The following RALYL variants were observed in gnomAD, a reference collection of about 807,000 sequenced individuals.
RALYL encodes RALY RNA binding protein like.
In RALYL, 29 loss-of-function variants were observed where a neutral mutation model predicts 35.1. The ratio of observed to expected loss-of-function variants is 0.83; its 90% CI spans 0.61 to 1.13. The LOEUF (loss-of-function observed/expected upper bound fraction) is 1.13. Ranked by LOEUF, RALYL falls within the 50% of genes most tolerant of loss-of-function variation. The pLI is 0.00. For missense variants in RALYL, 359 were observed against 360.4 expected (o/e 1.00, Z 0.03); for synonymous variants, 120 against 127.6 (o/e 0.94, Z 0.40).
intron 1 of RALYL, among the ~76,000 whole-genome samples, chr8:84,407,294 T>G (rs2043638113): frequency 6.6e-6 from 1 of 152,122 alleles, no homozygotes; most frequent in Non-Finnish European, 1.5e-5. Flanking sequence ...CTACATAGCT[T>G]CCTGCCTTTC....
intron 4 of RALYL, among the ~76,000 whole-genome samples, chr8:84,807,337 C>A (rs764595826): frequency 6.6e-6 from 1 of 152,232 alleles, no homozygotes; most frequent in African/African-American, 2.4e-5. Flanking sequence ...CTGCAAACGC[C>A]GTTAATTTGT....
intron 4 of RALYL, among the ~76,000 whole-genome samples, chr8:84,825,154 A>G (rs1829399370): frequency 6.6e-6 from 1 of 152,168 alleles, no homozygotes; most frequent in Admixed American, 6.5e-5. Flanking sequence ...TCATCAAGCA[A>G]AAAAACAACC....
At chr8:84,893,288 A>T (rs537056681) in intron 8 of RALYL, among the ~76,000 whole-genome samples, 2 of 152,242 alleles carry the variant, frequency 1.3e-5, no homozygotes, top group Non-Finnish European at 2.9e-5. Flanking sequence ...AAAGCATTAG[A>T]TAATTCACAT....
chr8:84,777,843 G>A lies in RALYL; in HGVS notation c.332+3189G>A, dbSNP rs1467891698. On this transcript the variant is annotated intron_variant, in intron 3 of 8. Transcript: ENST00000521268. ...TTTTTAGTAGAGGCAGCATTTCACC[G>A]TGTTAGCCAGGATAGTCTCGATCTC... Among the ~76,000 whole-genome samples, 4 of 142,560 alleles carry A rather than the reference G, an allele frequency of 2.8e-5. No homozygotes were observed. The South Asian group carries it at 6.2e-4, about 22-fold the overall frequency. 93.5% of individuals were successfully genotyped at this position (142,560 alleles called of 152,430 possible). A position where few individuals can be genotyped will look rare whatever the true frequency, so the allele number is the denominator to read the frequency against.
intron 1 of RALYL, among the ~76,000 whole-genome samples, chr8:84,524,930 A>T (rs1008602656): frequency 2.0e-5 from 3 of 151,864 alleles, no homozygotes; most frequent in Non-Finnish European, 4.4e-5. Context: ...TGAATGAAAC[A>T]TAAATAGCTA....
At chr8:84,553,336 A>G (rs745426953) in intron 2 of RALYL, among the ~76,000 whole-genome samples, 47 of 152,230 alleles carry the variant, frequency 3.1e-4, no homozygotes, top group Middle Eastern at 3.4e-3. Flanking sequence ...TAATTTTTAA[A>G]TTCTTGGTAG....
intron 2 of RALYL, among the ~76,000 whole-genome samples, chr8:84,564,292 A>G (rs1285425514): frequency 6.6e-6 from 1 of 151,664 alleles, no homozygotes; most frequent in Non-Finnish European, 1.5e-5. Flanking sequence ...CCTTAGCCCA[A>G]TCTCATACTC....
intron 1 of RALYL, among the ~76,000 whole-genome samples, chr8:84,371,572 C>CAG (rs1554638186): frequency 2.7e-5 from 4 of 147,366 alleles, no homozygotes; most frequent in African/African-American, 1.0e-4. Flanking sequence ...CACACACACA[C>CAG]AGAAAGAGAG....
chr8:84,701,206 C>T (rs1052031977), intron 2 of RALYL, among the ~76,000 whole-genome samples: 1 of 152,148 alleles, frequency 6.6e-6, no homozygotes, highest in Non-Finnish European at 1.5e-5. Context: ...GTTGAGATAT[C>T]ACTTCCTATC....
At chr8:84,908,001 A>G (rs1219261129) in intron 8 of RALYL, among the ~76,000 whole-genome samples, 3 of 152,158 alleles carry the variant, frequency 2.0e-5, no homozygotes, top group Admixed American at 1.3e-4. Flanking sequence ...ACAAACATAA[A>G]CTTTCTCATT....
intron 1 of RALYL, among the ~76,000 whole-genome samples, chr8:84,311,672 G>T (rs548090594): frequency 6.6e-6 from 1 of 152,086 alleles, no homozygotes; most frequent in Non-Finnish European, 1.5e-5. Flanking sequence ...AGTACCTTAT[G>T]TCATGATTTC....
At chr8:84,715,875 G>A (rs1306292912) in intron 2 of RALYL, among the ~76,000 whole-genome samples, 1 of 151,944 alleles carries the variant, frequency 6.6e-6, no homozygotes, top group Admixed American at 6.6e-5. Flanking sequence ...TGTAAATATT[G>A]ACTCAAAGTA....
chr8:84,256,868 C>G (rs141780657), intron 1 of RALYL, among the ~76,000 whole-genome samples: 2,885 of 152,158 alleles, frequency 0.019, 42 homozygotes, highest in South Asian at 0.031. Flanking sequence ...AATCGGGCTT[C>G]TGTCCCCTGA....
chr8:84,570,137 T>C (rs1267560230), intron 2 of RALYL, among the ~76,000 whole-genome samples: 1 of 151,904 alleles, frequency 6.6e-6, no homozygotes, highest in Non-Finnish European at 1.5e-5. Context: ...ACATTAGTAA[T>C]TGGATAGGAA....
intron 1 of RALYL, among the ~76,000 whole-genome samples, chr8:84,419,929 T>C (rs2132355022): frequency 6.6e-6 from 1 of 151,850 alleles, no homozygotes; most frequent in South Asian, 2.1e-4. Context: ...CCACATTTTC[T>C]TAATCCAGTC....
chr8:84,334,837 C>G (rs1847470455), intron 1 of RALYL, among the ~76,000 whole-genome samples: 1 of 152,100 alleles, frequency 6.6e-6, no homozygotes, highest in Non-Finnish European at 1.5e-5. Context: ...TCCATTAGCA[C>G]AATCTCTAGT....
At chr8:84,245,733 A>C (rs1244418131) in intron 1 of RALYL, among the ~76,000 whole-genome samples, 1 of 152,140 alleles carries the variant, frequency 6.6e-6, no homozygotes. Flanking sequence ...AGGGGTATGC[A>C]TGATAGCATG....
intron 1 of RALYL, among the ~76,000 whole-genome samples, chr8:84,436,506 G>T (rs1459323338): frequency 6.8e-6 from 1 of 146,158 alleles, no homozygotes; most frequent in African/African-American, 2.5e-5. Context: ...CTTCGCAGAG[G>T]CACTAAAAAG....
intron 2 of RALYL, among the ~76,000 whole-genome samples, chr8:84,574,183 G>T (rs1052842516): frequency 1.3e-5 from 2 of 151,832 alleles, no homozygotes; most frequent in South Asian, 2.1e-4. Context: ...TTCCAAAATG[G>T]CCTACTTTTA....
Sources: gnomAD v4.1 joint callset for allele counts (sites outside exome capture counted in the v4.1 genomes callset) on GRCh38, gnomAD v4.1.1 for gene constraint, MANE v1.5 for transcripts, NCBI Gene and HGNC (gene_info 2026-07-23, HGNC 2026-07-21) for gene names.